RAB22A: variants seen among roughly 807,000 people sequenced by gnomAD.
RAB22A encodes the protein ras-related protein Rab-22A.
Under a neutral mutation model 30.2 loss-of-function variants are expected in RAB22A, and 13 were observed. The observed-to-expected ratio is 0.43, with a 90% CI of 0.28 to 0.68. The LOEUF is 0.68. Ranked by LOEUF, RAB22A falls within the 30% of genes least tolerant of loss-of-function variation. The pLI is 0.18. For synonymous variants in RAB22A, 89 were observed against 87.2 expected (o/e 1.02, Z -0.11); for missense variants, 177 against 246.8 (o/e 0.72, Z 1.89).
At chr20:58,348,120 G>A (rs1235835675) in intron 3 of RAB22A, among the ~76,000 whole-genome samples, 7 of 152,094 alleles carry the variant, frequency 4.6e-5, no homozygotes, top group Admixed American at 1.3e-4. Flanking sequence ...CCAGCTACTC[G>A]GAAGGCTGAG....
At chr20:58,325,159 G>A (rs1187282620) in intron 2 of RAB22A, among the ~76,000 whole-genome samples, 1 of 142,006 alleles carries the variant, frequency 7.0e-6, no homozygotes, top group African/African-American at 2.7e-5. Context: ...CCTGGTGACA[G>A]AGCGAGACTC....
rs575567817 is a variant in RAB22A, at chr20:58,309,748, G to A, written c.-229G>A. On this transcript the variant is annotated 5_prime_UTR_variant, in exon 1 of 7. Coordinates refer to ENST00000244040, the MANE Select transcript of RAB22A (RefSeq NM_020673.3). ...CGGCCGGCGTCCCAAGATGGCGGCG[G>A]CGGCGGCTCCCGGAAGGCCGCGGCG... is the stretch of plus-strand genomic sequence containing the variant. The A allele has an allele frequency of 1.1e-5, 3 of 264,718 alleles. No homozygotes were observed. The highest frequency in any genetic ancestry group is 3.1e-4 in the South Asian group (2 of 6,438). The allele number at this position is 264,718 out of a possible 1,614,324, so 16.4% of individuals were successfully genotyped here. A position where few individuals can be genotyped will look rare whatever the true frequency, so the allele number is the denominator to read the frequency against.
Position 58,328,849 on chromosome 20 carries a change from G to T in RAB22A, c.117-14869G>T, listed in dbSNP as rs570376802. On this transcript the variant is annotated intron_variant, in intron 2 of 6. Transcript: ENST00000244040. ...AATTGTTCAAAAAAAAGAACAGGAA[G>T]AAAGGAGGAAGAGCAAAAGTAGTTT... is the stretch of plus-strand genomic sequence containing the variant. Among the ~76,000 whole-genome samples the T allele has an allele frequency of 1.1e-4, 16 of 152,236 alleles. No individual in the cohort carries two copies. The South Asian group carries it at 2.9e-3, about 28-fold the overall frequency.
intron 3 of RAB22A, among the ~76,000 whole-genome samples, chr20:58,348,221 C>T (rs114141116): frequency 0.025 from 3,859 of 151,536 alleles, 63 homozygotes; most frequent in African/African-American, 0.045. Flanking sequence ...AGTGAGACTC[C>T]ATCTCAAAAA....
chr20:58,314,840 C>CA (rs200960489), intron 2 of RAB22A, among the ~76,000 whole-genome samples: 15 of 139,744 alleles, frequency 1.1e-4, no homozygotes, highest in Non-Finnish European at 1.9e-4. Flanking sequence ...GACTCCATCT[C>CA]AAAAAAAAAA....
At chr20:58,323,833 T>A (rs558516514) in intron 2 of RAB22A, among the ~76,000 whole-genome samples, 1 of 151,968 alleles carries the variant, frequency 6.6e-6, no homozygotes, top group Non-Finnish European at 1.5e-5. Flanking sequence ...ATGTTGACTT[T>A]ATCAAAATAT....
chr20:58,336,316 G>GT (rs150664790), intron 2 of RAB22A, among the ~76,000 whole-genome samples: 16,930 of 151,872 alleles, frequency 0.11, 1,372 homozygotes, highest in East Asian at 0.31. Flanking sequence ...CCGGCCGCTG[G>GT]TTTTTTTTCA....
At chr20:58,353,252 A>AT (rs138275429) in intron 3 of RAB22A, 21 bp from the exon 4 acceptor site, 33,961 of 1,607,928 alleles carry the variant, frequency 0.021, 470 homozygotes, top group African/African-American at 0.048. Flanking sequence ...AATTTTGTTT[A>AT]TTTTTCCCCC....
At chr20:58,342,854 A>G (rs189043380) in intron 2 of RAB22A, among the ~76,000 whole-genome samples, 1 of 152,200 alleles carries the variant, frequency 6.6e-6, no homozygotes, top group Non-Finnish European at 1.5e-5. Context: ...ATCCCAGGGC[A>G]AGAATCCTGA....
chr20:58,312,048 C>T (rs181557441), intron 2 of RAB22A, among the ~76,000 whole-genome samples: 11 of 151,762 alleles, frequency 7.2e-5, no homozygotes, highest in Admixed American at 2.6e-4. Flanking sequence ...CTCTGCCTCC[C>T]GGGTTCAAGC....
At position 58,364,000 on chromosome 20, in the gene RAB22A, T is replaced by C. The variant is rs981616224; in HGVS notation, c.*4297T>C. 5.2e-5 allele frequency: 8 copies of C among 152,790 alleles called. No homozygotes were observed. In the South Asian group the frequency reaches 1.5e-3, roughly 28 times the overall value. 9.5% of individuals were successfully genotyped at this position (152,790 alleles called of 1,614,324 possible). ...TTGCTTGTCTTGACTTCTAATAATATAAATCCAGGCAGTTTGATTATCCGA... is the reference window on the plus strand; with the variant it reads ...TTGCTTGTCTTGACTTCTAATAATACAAATCCAGGCAGTTTGATTATCCGA... On this transcript the variant is annotated 3_prime_UTR_variant, in exon 7 of 7. Coordinates refer to ENST00000244040, the MANE Select transcript of RAB22A (RefSeq NM_020673.3).
intron 3 of RAB22A, among the ~76,000 whole-genome samples, chr20:58,346,544 C>A (rs1986952549): frequency 6.6e-6 from 1 of 152,232 alleles, no homozygotes; most frequent in South Asian, 2.1e-4. Context: ...GTGATGCACT[C>A]AGAGTTTTCT....
chr20:58,310,823 T>C (rs1986209760), intron 1 of RAB22A, among the ~76,000 whole-genome samples: 1 of 152,236 alleles, frequency 6.6e-6, no homozygotes, highest in Non-Finnish European at 1.5e-5. Context: ...CAAAAGGTCC[T>C]AATCTGTCTT....
intron 6 of RAB22A, among the ~76,000 whole-genome samples, chr20:58,359,306 A>G (rs1297844880): frequency 1.3e-5 from 2 of 152,146 alleles, no homozygotes; most frequent in African/African-American, 4.8e-5. Context: ...CATGTAGAAA[A>G]ACTGATGCTA....
In RAB22A at chr20:58,366,405, A is replaced by G. The variant is rs1050261241; in HGVS notation, c.*6702A>G. On this transcript the variant is annotated 3_prime_UTR_variant, in exon 7 of 7. Coordinates refer to ENST00000244040, the MANE Select transcript of RAB22A (RefSeq NM_020673.3). ...ATAGAAGGAATAGTTCCAGCATTCGATATTACAGTAGGGAGACTGCATTTA... is the reference window on the plus strand; with the variant it reads ...ATAGAAGGAATAGTTCCAGCATTCGGTATTACAGTAGGGAGACTGCATTTA... 5 of 152,236 alleles carry G rather than the reference A, an allele frequency of 3.3e-5. No homozygotes were observed. The highest frequency in any genetic ancestry group is 9.6e-5 in the African/African-American group (4 of 41,456). The allele number at this position is 152,236 out of a possible 1,614,324, so 9.4% of individuals were successfully genotyped here.
At chr20:58,311,778 C>CCTCA (rs1986229993) in intron 2 of RAB22A, among the ~76,000 whole-genome samples, 1 of 152,044 alleles carries the variant, frequency 6.6e-6, no homozygotes, top group African/African-American at 2.4e-5. Context: ...ATCATCAAAC[C>CCTCA]CTCAAATGGT....
chr20:58,324,573 A>G (rs111905202), intron 2 of RAB22A, among the ~76,000 whole-genome samples: 99 of 152,282 alleles, frequency 6.5e-4, no homozygotes, highest in African/African-American at 2.3e-3. Flanking sequence ...TATTCCTTGT[A>G]TCTTAAAACT....
At chr20:58,342,219 A>G (rs1181897211) in intron 2 of RAB22A, among the ~76,000 whole-genome samples, 1 of 152,258 alleles carries the variant, frequency 6.6e-6, no homozygotes, top group East Asian at 1.9e-4. Flanking sequence ...ATAACCATTT[A>G]TGAGTACCTT....
chr20:58,321,104 C>T (rs1205332206), intron 2 of RAB22A, among the ~76,000 whole-genome samples: 3 of 151,822 alleles, frequency 2.0e-5, no homozygotes, highest in Non-Finnish European at 4.4e-5. Context: ...GCAAGAGAAT[C>T]GCTTGAACCC....
Sources: gnomAD v4.1 joint callset for allele counts (sites outside exome capture counted in the v4.1 genomes callset) on GRCh38, gnomAD v4.1.1 for gene constraint, MANE v1.5 for transcripts, NCBI Gene and HGNC (gene_info 2026-07-23, HGNC 2026-07-21) for gene names.